The following TMC4 variants were observed in gnomAD, a reference collection of about 807,000 sequenced individuals.
The protein encoded by TMC4 is voltage-gated chloride channel TMC4.
TMC4 carries 70 observed loss-of-function variants against 82.0 expected under a neutral mutation model. That is an observed-to-expected ratio of 0.85 (90% CI 0.70 to 1.04). The LOEUF is 1.04. Ranked by LOEUF, TMC4 falls within the 50% of genes least tolerant of loss-of-function variation. The pLI is 0.00. For missense variants in TMC4, 879 were observed against 899.0 expected (o/e 0.98, Z 0.28); for synonymous variants, 446 against 406.0 (o/e 1.10, Z -1.18).
At position 54,164,526 on chromosome 19, in the gene TMC4, C is replaced by G. The variant is rs761116563; in HGVS notation, c.1021G>C (p.Val341Leu). ...TLGQQARVWL[V>L]RVLLNLLVVA... ...ACCAGCAGGTTGAGCAGCACCCGCACCAACCAAACCCTGGCTTGCTGGCCC... is the reference window on the plus strand; with the variant it reads ...ACCAGCAGGTTGAGCAGCACCCGCAGCAACCAAACCCTGGCTTGCTGGCCC... Residue 341 changes from valine to leucine, a missense_variant, in exon 7 of 15, where the codon GTG (valine) becomes CTG (leucine). Physicochemically the swap from Val to Leu is conservative, Grantham distance 32. Transcript: ENST00000619895. 3.7e-6 allele frequency: 6 copies of G among 1,613,812 alleles called. No individual in the cohort carries two copies. Among genetic ancestry groups the G allele is most frequent in the Non-Finnish European group, 5.1e-6 (6 of 1,180,012 alleles).
Position 54,162,876 on chromosome 19 carries a change from T to C in TMC4, c.1405-106A>G, listed in dbSNP as rs562007153. On this transcript the variant is annotated intron_variant, in intron 9 of 14. Coordinates refer to ENST00000619895, the MANE Select transcript of TMC4 (RefSeq NM_144686.4). ...AGCCTATGAGACCCTGTCAATACTT[T>C]CTCTGGGGGTCCTCGTTTTTCAAAC... 3.5e-4 allele frequency: 523 copies of C among 1,511,140 alleles called. 2 individuals carry two copies. The Middle Eastern group carries it at 4.3e-3, about 13-fold the overall frequency. 93.6% of individuals were successfully genotyped at this position (1,511,140 alleles called of 1,614,324 possible).
At chr19:54,164,313 A>C in intron 7 of TMC4, 121 bp downstream of exon 7, 1 of 1,278,494 alleles carries the variant, frequency 7.8e-7, no homozygotes, top group Non-Finnish European at 1.1e-6. Context: ...GGGTCCGAAC[A>C]TACCCTCTCC....
At chr19:54,171,809 A>G in intron 2 of TMC4, 61 bp downstream of exon 2, 1 of 1,449,470 alleles carries the variant, frequency 6.9e-7, no homozygotes, top group Non-Finnish European at 9.2e-7. Context: ...GACCGAGTCC[A>G]GGGTATGGGA....
At position 54,165,551 on chromosome 19, in the gene TMC4, C is replaced by A. The variant is rs776613431; in HGVS notation, c.813G>T (p.Leu271=). 5 of 1,608,510 alleles carry A rather than the reference C, an allele frequency of 3.1e-6. No homozygotes were observed. Among genetic ancestry groups the A allele is most frequent in the Non-Finnish European group, 2.5e-6 (3 of 1,176,716 alleles). The change falls in exon 6 of 15, where the codon CTG becomes CTT. Residue 271 remains leucine, a synonymous_variant. Transcript: ENST00000619895. ...LLILHRSVSG[L]KQTLLAESEA... ...CGGACTCCGCCAGCAGTGTCTGCTT[C>A]AGCCCAGACACCGAGCTGAGAGGGG...
chr19:54,170,333 CAA>C (rs11365348), intron 2 of TMC4, among the ~76,000 whole-genome samples: 16,704 of 117,396 alleles, frequency 0.14, 971 homozygotes, highest in South Asian at 0.22. Flanking sequence ...AAGACTCTGT[CAA>C]AAAAAAAAAA....
chr19:54,164,325 A>G, intron 7 of TMC4, 109 bp downstream of exon 7: 2 of 1,381,592 alleles, frequency 1.4e-6, no homozygotes, highest in Non-Finnish European at 2.0e-6. Flanking sequence ...ACCCTCTCCC[A>G]TACTTCCTCT....
chr19:54,163,343 C>G, intron 8 of TMC4, 184 bp from the exon 9 acceptor site: 1 of 791,874 alleles, frequency 1.3e-6, no homozygotes, highest in East Asian at 2.8e-5. Context: ...CAGGGTCTCA[C>G]TCTGTCACCC....
intron 2 of TMC4, 28 bp from the exon 3 acceptor site, chr19:54,169,688 G>A (rs1270123517): frequency 1.2e-6 from 2 of 1,610,088 alleles, no homozygotes; most frequent in Non-Finnish European, 1.7e-6. Context: ...AGAAAATGAG[G>A]GGTTTCGCAG....
At position 54,165,582 on chromosome 19, in the gene TMC4, C is replaced by G. The variant is rs751739564; in HGVS notation, c.798-16G>C. 1 of 1,588,808 alleles carries G rather than the reference C, an allele frequency of 6.3e-7. No homozygotes were observed. The highest frequency in any genetic ancestry group is 8.6e-7 in the Non-Finnish European group (1 of 1,162,530). On this transcript the variant is annotated splice_polypyrimidine_tract_variant and intron_variant, in intron 5 of 14. Transcript: ENST00000619895. ...AGACACCGAGCTGAGAGGGGAGACC[C>G]GGGAGACGGGAAGTGAAAGGACAGC... is the stretch of plus-strand genomic sequence containing the variant.
chr19:54,165,590 G>C, intron 5 of TMC4, 24 bp from the exon 6 acceptor site: 1 of 1,587,148 alleles, frequency 6.3e-7, no homozygotes, highest in African/African-American at 1.3e-5. Flanking sequence ...CCCGGGAGAC[G>C]GGAAGTGAAA....
At chr19:54,161,380 A>G in intron 11 of TMC4, 120 bp from the exon 12 acceptor site, 1 of 1,178,096 alleles carries the variant, frequency 8.5e-7, no homozygotes, top group Non-Finnish European at 1.1e-6. Flanking sequence ...TTTTTTTGAG[A>G]CAGAGTCTCG....
intron 5 of TMC4, among the ~76,000 whole-genome samples, chr19:54,166,499 T>C (rs2075709094): frequency 1.3e-5 from 2 of 152,162 alleles, no homozygotes; most frequent in African/African-American, 4.8e-5. Flanking sequence ...TCATCTCTCA[T>C]GTGAACAACC....
intron 2 of TMC4, among the ~76,000 whole-genome samples, chr19:54,170,024 C>G (rs2075846519): frequency 6.6e-6 from 1 of 152,032 alleles, no homozygotes; most frequent in Non-Finnish European, 1.5e-5. Flanking sequence ...TTGCTTGAAC[C>G]TGGGAGGTGG....
At chr19:54,169,480 G>T in intron 3 of TMC4, 32 bp downstream of exon 3, 1 of 1,589,044 alleles carries the variant, frequency 6.3e-7, no homozygotes. Context: ...TCCAGGCCCT[G>T]CCCCCAGGAC....
At position 54,160,294 on chromosome 19, in the gene TMC4, G is replaced by C. The variant is rs1224841956; in HGVS notation, c.*12C>G. 1.3e-6 allele frequency: 2 copies of C among 1,515,124 alleles called. No individual in the cohort carries two copies. Among genetic ancestry groups the C allele is most frequent in the Non-Finnish European group, 1.8e-6 (2 of 1,132,954 alleles). 93.9% of individuals were successfully genotyped at this position (1,515,124 alleles called of 1,614,324 possible). ...GGCCTGGGGTCTGAAAGCGGGACGT[G>C]GGCTGCGGGGGTCAAAGAGCCGGTT... On this transcript the variant is annotated 3_prime_UTR_variant, in exon 15 of 15. Transcript: ENST00000619895.
At position 54,163,308 on chromosome 19, in the gene TMC4, C is replaced by CTTTT. The variant is rs35587690; in HGVS notation, c.1278-153_1278-150dup. 1.5e-3 allele frequency: 899 copies of CTTTT among 593,244 alleles called. 6 individuals carry two copies. The African/African-American group carries it at 0.018, about 12-fold the overall frequency. 36.7% of individuals were successfully genotyped at this position (593,244 alleles called of 1,614,324 possible). ...TCAGGATTTCTTTCTTTCTTTCTTT[C>CTTTT]TTTTTTTTTTTTTTTTTTTTGAGAC... is the stretch of plus-strand genomic sequence containing the variant. On this transcript the variant is annotated intron_variant, in intron 8 of 14. Coordinates refer to ENST00000619895, the MANE Select transcript of TMC4 (RefSeq NM_144686.4).
intron 3 of TMC4, 81 bp downstream of exon 3, chr19:54,169,431 G>A: frequency 4.7e-6 from 7 of 1,487,396 alleles, no homozygotes; most frequent in Non-Finnish European, 5.4e-6. Context: ...CTCAAACCCA[G>A]GAGTCCGTCC....
chr19:54,165,070 C>CTTT (rs34861271), intron 6 of TMC4, among the ~76,000 whole-genome samples: 2,064 of 136,002 alleles, frequency 0.015, 81 homozygotes, highest in African/African-American at 0.054. Context: ...AAAAAACAAA[C>CTTT]TTTTTTTTTT....
chr19:54,162,260 C>T lies in TMC4; in HGVS notation c.1528G>A (p.Ala510Thr), dbSNP rs1300127300. The T allele has an allele frequency of 6.2e-7, 1 of 1,601,762 alleles. No homozygotes were observed. The highest frequency in any genetic ancestry group is 8.5e-7 in the Non-Finnish European group (1 of 1,175,064). The stretch of plus-strand genomic sequence containing the variant: ...TGGGTCCCCGCCAGACGACCCAGCG[C>T]CCCAGGACAGAGGCCACAGAGGAGC... ...RKLLCGLCPG[A>T]LGRLAGTQEF... The change falls in exon 11 of 15, where the codon GCG becomes ACG. Residue 510 changes from alanine to threonine, a missense_variant. Coordinates refer to ENST00000619895, the MANE Select transcript of TMC4 (RefSeq NM_144686.4).
Sources: gnomAD v4.1 joint callset for allele counts (sites outside exome capture counted in the v4.1 genomes callset) on GRCh38, gnomAD v4.1.1 for gene constraint, MANE v1.5 for transcripts, NCBI Gene and HGNC (gene_info 2026-07-23, HGNC 2026-07-21) for gene names.